Variants in RPS3 observed in about 807,000 individuals in gnomAD.
RPS3 encodes the protein ribosomal protein S3.
Under a neutral mutation model 25.8 loss-of-function variants are expected in RPS3, and 2 were observed. The observed-to-expected ratio is 0.08, with a 90% CI of 0.03 to 0.24. RPS3 has a LOEUF of 0.24. Ranked by LOEUF, RPS3 falls within the 10% of genes least tolerant of loss-of-function variation. The pLI is 1.00. For missense variants in RPS3, 107 were observed against 307.1 expected (o/e 0.35, Z 4.87); for synonymous variants, 114 against 114.2 (o/e 1.00, Z 0.01).
chr11:75,420,707 C>A (rs2135074529), intron 6 of RPS3, among the ~76,000 whole-genome samples: 1 of 152,166 alleles, frequency 6.6e-6, no homozygotes, highest in Non-Finnish European at 1.5e-5. Flanking sequence ...GAAACTGACA[C>A]CTTTCCTGCC....
rs1365331967 is a variant in RPS3 at position 75,401,183 on chromosome 11, G to T, written c.161+359G>T. On this transcript the variant is annotated intron_variant, in intron 2 of 6. Coordinates refer to ENST00000531188, the MANE Select transcript of RPS3 (RefSeq NM_001005.5). ...AGGCGTGAGCCACCGCGCCCGGCAG[G>T]TTTATCCTTTATGAACTTAAGGGGA... Among the ~76,000 whole-genome samples the T allele has an allele frequency of 3.9e-5, 6 of 152,272 alleles. No homozygotes were observed. The East Asian group carries it at 1.2e-3, about 29-fold the overall frequency.
In RPS3 at chr11:75,406,004, C is replaced by G. The variant is rs1239856705; in HGVS notation, c.*394C>G. On this transcript the variant is annotated 3_prime_UTR_variant, in exon 7 of 7. Coordinates refer to ENST00000531188, the MANE Select transcript of RPS3 (RefSeq NM_001005.5). Reference sequence around the variant, plus strand: ...TATAAATGGCCATTATATTTTGTGTCATGCTGTGCTCTAAGTGTTCTTTAC... The same window carrying G: ...TATAAATGGCCATTATATTTTGTGTGATGCTGTGCTCTAAGTGTTCTTTAC... 5.9e-6 allele frequency: 1 copy of G among 170,436 alleles called. No individual in the cohort carries two copies. Among genetic ancestry groups the G allele is most frequent in the Non-Finnish European group, 1.3e-5 (1 of 79,344 alleles). 10.6% of individuals were successfully genotyped at this position (170,436 alleles called of 1,614,324 possible).
At chr11:75,401,873 C>A in intron 3 of RPS3, 140 bp downstream of exon 3, 1 of 624,432 alleles carries the variant, frequency 1.6e-6, no homozygotes, top group South Asian at 2.0e-5. Flanking sequence ...GAATAATGGG[C>A]TTAACTTTGT....
rs553591383 is a variant in RPS3, at chr11:75,405,778, G to T, written c.*168G>T. Reference sequence around the variant, plus strand: ...TATCTTCTTGGTTTTAACCATACTTGTGGTATTTGCAAGGGCCAGAACAGT... The same window carrying T: ...TATCTTCTTGGTTTTAACCATACTTTTGGTATTTGCAAGGGCCAGAACAGT... On this transcript the variant is annotated 3_prime_UTR_variant, in exon 7 of 7. Transcript: ENST00000531188. 8.7e-5 allele frequency: 34 copies of T among 391,784 alleles called. No individual in the cohort carries two copies. The highest frequency in any genetic ancestry group is 1.5e-4 in the Non-Finnish European group (29 of 197,918). 24.3% of individuals were successfully genotyped at this position (391,784 alleles called of 1,614,324 possible).
Position 75,404,784 on chromosome 11 carries a change from A to G in RPS3, c.651A>G (p.Ile217Met), listed in dbSNP as rs2135057116. The G allele has an allele frequency of 6.2e-7, 1 of 1,613,848 alleles. No homozygotes were observed. The change falls in exon 6 of 7, where the codon ATA becomes ATG. Residue 217 changes from isoleucine (I) to methionine (M), a missense_variant. Physicochemically the swap from Ile to Met is conservative, Grantham distance 10. Coordinates refer to ENST00000531188, the MANE Select transcript of RPS3 (RefSeq NM_001005.5). This position sits in a 1 kb window ranked among gnomAD's most constrained non-coding sequence, Gnocchi z 4.6. ...GCATTGTGGAACCCAAAGATGAGAT[A>G]CTGCCCACCACCCCCATCTCAGAAC... is the stretch of plus-strand genomic sequence containing the variant. ...HVSIVEPKDE[I>M]LPTTPISEQK...
intron 6 of RPS3, among the ~76,000 whole-genome samples, chr11:75,420,124 T>A (rs1001724834): frequency 1.3e-5 from 2 of 152,212 alleles, no homozygotes; most frequent in Admixed American, 1.3e-4. Context: ...CTCTCAGGAT[T>A]CATGGCCTGG....
chr11:75,399,558 A>C lies in RPS3; in HGVS notation c.11A>C (p.Gln4Pro). 1 of 1,613,938 alleles carries C rather than the reference A, an allele frequency of 6.2e-7. No individual in the cohort carries two copies. The highest frequency in any genetic ancestry group is 1.7e-5 in the Admixed American group (1 of 60,008). ...GAGCGCGGCGGCAAGATGGCAGTGC[A>C]AATATCCAAGAAGAGGAAGGTGAGC... MAV[Q>P]ISKKRKFVAD... Residue 4 changes from glutamine (Q) to proline (P), a missense_variant, in exon 1 of 7, where the codon CAA (glutamine) becomes CCA (proline). Physicochemically the swap from Gln to Pro is moderately conservative, Grantham distance 76 (BLOSUM62 -1). Around this residue, in one of 2 missense-constraint regions of RPS3, gnomAD observed 26 missense variants for 20.4 expected, o/e 1.28. Transcript: ENST00000531188.
intron 6 of RPS3, chr11:75,405,337 A>C: frequency 3.9e-6 from 1 of 256,724 alleles, no homozygotes; most frequent in Non-Finnish European, 7.6e-6. Context: ...TTGGCTGCTC[A>C]AGATTTTCTA....
In RPS3 at chr11:75,401,630, T is replaced by C. The variant is rs200251311; in HGVS notation, c.162-10T>C. On this transcript the variant is annotated splice_polypyrimidine_tract_variant and intron_variant, in intron 2 of 6. Transcript: ENST00000531188. ...TGTGAGAATCTTGAATTGTCACTTT[T>C]CCCCCCCAGAACACAGAATGTTCTT... is the stretch of plus-strand genomic sequence containing the variant. 316 of 1,582,674 alleles carry C rather than the reference T, an allele frequency of 2.0e-4. 1 individual carries two copies. Among genetic ancestry groups the C allele is most frequent in the South Asian group, 5.8e-4 (52 of 90,248 alleles).
downstream of RPS3, among the ~76,000 whole-genome samples, chr11:75,410,244 T>C (rs868047647): frequency 0.032 from 4,059 of 128,434 alleles, 156 homozygotes; most frequent in African/African-American, 0.11. Flanking sequence ...GGGTGGCTGC[T>C]GGACGGAGGG....
chr11:75,412,417 A>G (rs78022991), intron 6 of RPS3, among the ~76,000 whole-genome samples: 1 of 152,274 alleles, frequency 6.6e-6, no homozygotes, highest in East Asian at 1.9e-4. Context: ...TTGATGAATG[A>G]GGAGAGACTT....
chr11:75,402,181 A>T, intron 3 of RPS3, 171 bp from the exon 4 acceptor site: 1 of 931,916 alleles, frequency 1.1e-6, no homozygotes, highest in Non-Finnish European at 1.6e-6. Flanking sequence ...AAAAATCACG[A>T]TGTTGAATTT....
At chr11:75,415,819 A>AG (rs895067003) in intron 6 of RPS3, among the ~76,000 whole-genome samples, 2 of 150,360 alleles carry the variant, frequency 1.3e-5, no homozygotes, top group Non-Finnish European at 3.0e-5. Context: ...AAAAAAAAAA[A>AG]AAAAAGCCAG....
chr11:75,399,622 G>T (rs1288554967), intron 1 of RPS3, 45 bp downstream of exon 1: 2 of 1,585,034 alleles, frequency 1.3e-6, no homozygotes, highest in Non-Finnish European at 1.7e-6. Flanking sequence ...GCGCCGCGCG[G>T]GTCGAGGGCT....
At chr11:75,419,713 A>C (rs1170836530) in intron 6 of RPS3, among the ~76,000 whole-genome samples, 1 of 151,906 alleles carries the variant, frequency 6.6e-6, no homozygotes, top group Non-Finnish European at 1.5e-5. Flanking sequence ...GGCTCACTGC[A>C]ACTTCCACCT....
At chr11:75,403,752 T>C (rs1050260265) in intron 4 of RPS3, 5 of 342,636 alleles carry the variant, frequency 1.5e-5, no homozygotes, top group African/African-American at 1.1e-4. Flanking sequence ...TGTCAGGGTT[T>C]CTTTTGTTTT....
intron 6 of RPS3, among the ~76,000 whole-genome samples, chr11:75,419,033 C>T (rs902752536): frequency 3.9e-4 from 60 of 152,014 alleles, no homozygotes; most frequent in Admixed American, 3.9e-3. Context: ...AGCGAGCTTC[C>T]GGGGAAGCAT....
rs952315133 is a variant in RPS3, at chr11:75,418,617, TA to T, written c.*4-3101del. 5.3e-5 allele frequency among the ~76,000 whole-genome samples: 8 copies of T among 152,118 alleles called. No individual in the cohort carries two copies. In the East Asian group the frequency reaches 7.7e-4, roughly 15 times the overall value. ...ATTTGAGAATAAATTGGTCTCGAAT[TA>T]AAAAAAAATTTTAGAATGTCAAGAT... On this transcript the variant is annotated intron_variant, in intron 6 of 6. Coordinates refer to the RPS3 transcript ENST00000527446.
chr11:75,417,457 CGTG>C (rs1351648262), intron 6 of RPS3, among the ~76,000 whole-genome samples: 8 of 152,126 alleles, frequency 5.3e-5, no homozygotes, highest in Non-Finnish European at 1.2e-4. Context: ...ATTAGCCAGG[CGTG>C]GTGGCGGGCA....
Sources: allele counts gnomAD v4.1 joint callset (sites outside exome capture counted in the v4.1 genomes callset), GRCh38; gene constraint gnomAD v4.1.1; regional missense constraint gnomAD v4.1.1; non-coding constraint Gnocchi (gnomAD v3.1); transcripts MANE v1.5; gene names NCBI Gene and HGNC (gene_info 2026-07-23, HGNC 2026-07-21).